Variants in GLG1 observed in about 807,000 individuals in gnomAD.
GLG1 encodes the protein Golgi apparatus protein 1.
GLG1 carries 38 observed loss-of-function variants against 160.5 expected under a neutral mutation model. The ratio of observed to expected loss-of-function variants is 0.24; its 90% confidence interval spans 0.18 to 0.31. The LOEUF is 0.31. GLG1 is among the 10% of genes least tolerant of loss of function. The pLI, the probability that GLG1 is intolerant of heterozygous loss-of-function variation, is 1.00. For synonymous variants in GLG1, 644 were observed against 543.4 expected (o/e 1.19, Z -2.57); for missense variants, 1,373 against 1,505.2 (o/e 0.91, Z 1.45).
intron 4 of GLG1, among the ~76,000 whole-genome samples, chr16:74,501,597 C>G (rs569736966): frequency 6.6e-6 from 1 of 152,152 alleles, no homozygotes; most frequent in Admixed American, 6.5e-5. Context: ...TGGTGGTTAC[C>G]AGGCAAGAAC....
intron 1 of GLG1, among the ~76,000 whole-genome samples, chr16:74,542,317 C>G (rs1004681174): frequency 2.8e-4 from 42 of 151,180 alleles, no homozygotes; most frequent in Non-Finnish European, 5.0e-4. Flanking sequence ...TTTGGAACAG[C>G]TGAACAAAGG....
intron 1 of GLG1, among the ~76,000 whole-genome samples, chr16:74,597,827 C>G (rs1236192023): frequency 1.4e-5 from 2 of 147,928 alleles, no homozygotes; most frequent in African/African-American, 5.0e-5. Context: ...GCACTCCAGC[C>G]TGGGTGACAA....
intron 1 of GLG1, among the ~76,000 whole-genome samples, chr16:74,592,085 T>C (rs1197275437): frequency 6.6e-6 from 1 of 152,198 alleles, no homozygotes; most frequent in African/African-American, 2.4e-5. Flanking sequence ...TCTGCCACCT[T>C]GGCCGCCTAA....
chr16:74,504,620 T>C (rs2016531286), intron 3 of GLG1, among the ~76,000 whole-genome samples: 1 of 152,228 alleles, frequency 6.6e-6, no homozygotes, highest in East Asian at 1.9e-4. Flanking sequence ...GTGTTCTAAA[T>C]TAACTATGGA....
chr16:74,575,136 A>G (rs1430602100), intron 1 of GLG1, among the ~76,000 whole-genome samples: 1 of 149,570 alleles, frequency 6.7e-6, no homozygotes, highest in East Asian at 2.0e-4. Context: ...AATCCCAGCT[A>G]CTCAGGAGGC....
Position 74,599,623 on chromosome 16 carries a change from C to T in GLG1, c.438+7034G>A, listed in dbSNP as rs569764399. On this transcript the variant is annotated intron_variant, in intron 1 of 25. Coordinates refer to ENST00000422840, the MANE Select transcript of GLG1 (RefSeq NM_001145667.2). ...CTCACGCCTGTCATCTCAGCACTTT[C>T]GGAGGCCGAGGTGGGCAGATCACGA... Among the ~76,000 whole-genome samples the T allele has an allele frequency of 3.9e-5, 6 of 152,040 alleles. No individual in the cohort carries two copies. The East Asian group carries it at 9.7e-4, about 25-fold the overall frequency.
intron 2 of GLG1, among the ~76,000 whole-genome samples, chr16:74,524,103 G>A (rs2017258993): frequency 6.6e-6 from 1 of 152,100 alleles, no homozygotes; most frequent in Non-Finnish European, 1.5e-5. Context: ...CCAGCACTCA[G>A]GTGGCTGAGG....
chr16:74,496,382 C>T (rs1029614536), intron 5 of GLG1, 59 bp downstream of exon 5: 234 of 1,165,010 alleles, frequency 2.0e-4, no homozygotes, highest in Middle Eastern at 1.9e-3. Flanking sequence ...TTAATTAAAA[C>T]AAAATTATAT....
At chr16:74,579,452 T>G (rs1201026841) in intron 1 of GLG1, among the ~76,000 whole-genome samples, 3 of 152,016 alleles carry the variant, frequency 2.0e-5, no homozygotes, top group Non-Finnish European at 2.9e-5. Flanking sequence ...CCAGGCGCAG[T>G]GGCTCACGTC....
chr16:74,556,219 A>G (rs1056558652), intron 1 of GLG1, among the ~76,000 whole-genome samples: 1 of 152,222 alleles, frequency 6.6e-6, no homozygotes, highest in African/African-American at 2.4e-5. Context: ...TTACTATAAC[A>G]AAGTGAAATA....
At chr16:74,573,332 TA>T (rs1190850294) in intron 1 of GLG1, among the ~76,000 whole-genome samples, 1 of 152,094 alleles carries the variant, frequency 6.6e-6, no homozygotes, top group East Asian at 1.9e-4. Context: ...TGGGTAAATA[TA>T]TTTTTTTTAA....
intron 19 of GLG1, among the ~76,000 whole-genome samples, chr16:74,464,692 T>G (rs1233699139): frequency 6.6e-6 from 1 of 152,220 alleles, no homozygotes; most frequent in Non-Finnish European, 1.5e-5. Context: ...TTTTTACATA[T>G]GACTCAATTT....
intron 1 of GLG1, among the ~76,000 whole-genome samples, chr16:74,589,076 T>C (rs974450245): frequency 6.6e-6 from 1 of 151,716 alleles, no homozygotes; most frequent in African/African-American, 2.4e-5. Flanking sequence ...ACCCCGTCTC[T>C]ACAAAAAGAA....
intron 1 of GLG1, among the ~76,000 whole-genome samples, chr16:74,552,989 C>T (rs988476922): frequency 6.6e-6 from 1 of 152,018 alleles, no homozygotes; most frequent in Non-Finnish European, 1.5e-5. Flanking sequence ...GAGGCAGAGG[C>T]GAGCGGATCA....
At chr16:74,517,715 G>T (rs1412116554) in intron 2 of GLG1, among the ~76,000 whole-genome samples, 1 of 152,176 alleles carries the variant, frequency 6.6e-6, no homozygotes, top group East Asian at 1.9e-4. Context: ...TCAGGCAAGA[G>T]AAAGCAATAA....
chr16:74,509,071 T>C (rs2143491732), intron 2 of GLG1, 146 bp from the exon 3 acceptor site: 1 of 426,346 alleles, frequency 2.3e-6, no homozygotes, highest in Admixed American at 3.8e-5. Flanking sequence ...TAGGATAAAA[T>C]GCCATCACAT....
At chr16:74,459,039 TC>T (rs2014671890) in intron 23 of GLG1, among the ~76,000 whole-genome samples, 1 of 151,958 alleles carries the variant, frequency 6.6e-6, no homozygotes, top group African/African-American at 2.4e-5. Context: ...TCTAAAATCC[TC>T]CCCAAAGTTA....
chr16:74,589,377 A>C (rs948285423), intron 1 of GLG1, among the ~76,000 whole-genome samples: 5 of 152,248 alleles, frequency 3.3e-5, no homozygotes, highest in Non-Finnish European at 4.4e-5. Context: ...GGAAGAAAAC[A>C]ATGCCTAAAG....
intron 1 of GLG1, among the ~76,000 whole-genome samples, chr16:74,585,442 C>G (rs1958026729): frequency 6.6e-6 from 1 of 152,006 alleles, no homozygotes; most frequent in African/African-American, 2.4e-5. Flanking sequence ...CCTGGTGGCT[C>G]ACGCCTATAA....
Sources: gnomAD v4.1 joint callset for allele counts (sites outside exome capture counted in the v4.1 genomes callset) on GRCh38, gnomAD v4.1.1 for gene constraint, MANE v1.5 for transcripts, NCBI Gene and HGNC (gene_info 2026-07-23, HGNC 2026-07-21) for gene names.